Variants in SLC38A6 observed in about 807,000 individuals in gnomAD.
SLC38A6 encodes the protein N system amino acid transporter NAT-1.
SLC38A6 carries 73 observed loss-of-function variants against 65.0 expected under a neutral mutation model. That is an observed-to-expected ratio of 1.12 (90% CI 0.93 to 1.37). SLC38A6 has a LOEUF of 1.37. Ranked by LOEUF, SLC38A6 falls within the 40% of genes most tolerant of loss-of-function variation. The probability of loss-of-function intolerance (pLI) is 0.00; values close to 1 mark genes in which losing one functional copy is unlikely to be tolerated. For synonymous variants in SLC38A6, 183 were observed against 178.8 expected, an observed-to-expected ratio of 1.02 and a Z score of -0.19; for missense variants, 561 against 531.1, an observed-to-expected ratio of 1.06 and a Z score of -0.55.
chr14:60,982,571 G>A lies in SLC38A6; in HGVS notation c.169G>A (p.Ala57Thr). 1.2e-6 allele frequency: 2 copies of A among 1,614,034 alleles called. No individual in the cohort carries two copies. The highest frequency in any genetic ancestry group is 1.7e-6 in the Non-Finnish European group (2 of 1,179,990). Residue 57 changes from alanine to threonine, a missense_variant, in exon 2 of 16, where the codon GCC becomes ACC. Coordinates refer to ENST00000267488, the MANE Select transcript of SLC38A6 (RefSeq NM_153811.3). ...FGLSVFNLMN[A>T]IMGSGILGLA... ...TTTATCAGTGTTTAATTTGATGAAT[G>A]CCATCATGGGAAGTGGCATCCTTGG...
At chr14:60,986,966 T>G in intron 3 of SLC38A6, 1 of 304,774 alleles carries the variant, frequency 3.3e-6, no homozygotes, top group Non-Finnish European at 6.3e-6. Context: ...ATTCTGACAC[T>G]GTGTTTGTTC....
At chr14:61,047,616 A>C (rs1163172618) in intron 12 of SLC38A6, among the ~76,000 whole-genome samples, 1 of 152,040 alleles carries the variant, frequency 6.6e-6, no homozygotes, top group Non-Finnish European at 1.5e-5. Context: ...TGTTAAGGTG[A>C]TCTTTTAGAA....
chr14:60,981,295 G>A lies in SLC38A6; in HGVS notation c.18G>A (p.Gly6=). 1 of 1,608,046 alleles carries A rather than the reference G, an allele frequency of 6.2e-7. No homozygotes were observed. The change falls in exon 1 of 16, where the codon GGG becomes GGA. Residue 6 remains glycine (G), a synonymous_variant. Coordinates refer to ENST00000267488, the MANE Select transcript of SLC38A6 (RefSeq NM_153811.3). MEASW[G]SFNAERGWYV... ...AGAGCAGCATGGAGGCGTCCTGGGG[G>A]AGCTTCAACGCTGAGCGGGGCTGGT... is the stretch of plus-strand genomic sequence containing the variant.
intron 2 of SLC38A6, among the ~76,000 whole-genome samples, chr14:60,983,641 C>T (rs1374416244): frequency 6.6e-6 from 1 of 152,038 alleles, no homozygotes; most frequent in Admixed American, 6.6e-5. Flanking sequence ...TGTTTATTTC[C>T]TGCTTTTATT....
chr14:61,046,234 A>C lies in SLC38A6; in HGVS notation c.925+67A>C, dbSNP rs2042141229. ...CATAGATGGCCTCACGCCAATCTAT[A>C]GACTTTACCTATGCCTTTTATTACT... On this transcript the variant is annotated intron_variant, in intron 12 of 15. Coordinates refer to ENST00000267488, the MANE Select transcript of SLC38A6 (RefSeq NM_153811.3). 8 of 1,013,752 alleles carry C rather than the reference A, an allele frequency of 7.9e-6. No individual in the cohort carries two copies. In the South Asian group the frequency reaches 1.2e-4, roughly 15 times the overall value. 62.8% of individuals were successfully genotyped at this position (1,013,752 alleles called of 1,614,324 possible).
chr14:61,039,633 A>T (rs2041656197), intron 8 of SLC38A6, among the ~76,000 whole-genome samples: 1 of 151,790 alleles, frequency 6.6e-6, no homozygotes. Flanking sequence ...GGCCTCCCAA[A>T]GTGCTGGGAT....
At position 61,049,337 on chromosome 14, in the gene SLC38A6, T is replaced by C. The variant is rs117309037; in HGVS notation, c.926-1175T>C. 1.1e-3 allele frequency among the ~76,000 whole-genome samples: 166 copies of C among 152,286 alleles called. No homozygotes were observed. In the East Asian group the frequency reaches 0.023, roughly 21 times the overall value. On this transcript the variant is annotated intron_variant, in intron 12 of 15. Transcript: ENST00000267488. ...TTACTAGACCACTTATTTTCTCAGA[T>C]GCACATTCCCTTTGCTTTGTTTGTG...
At chr14:61,000,217 A>G (rs923895328) in intron 3 of SLC38A6, among the ~76,000 whole-genome samples, 1 of 152,370 alleles carries the variant, frequency 6.6e-6, no homozygotes, top group Non-Finnish European at 1.5e-5. Flanking sequence ...CACAGAGAGT[A>G]TTTAATAAAA....
In SLC38A6 at chr14:61,045,418, C is replaced by T. The variant is rs144811998; in HGVS notation, c.817C>T (p.Leu273Phe). ...CTCAATATTGCCCATATACTGTGAA[C>T]TTCAAAGGTACTGTAGAATCCTGGA... ...HTSILPIYCE[L>F]QSPSKKRMQN... The change falls in exon 11 of 16, where the codon CTT (leucine) becomes TTT (phenylalanine). Residue 273 changes from leucine (L) to phenylalanine (F), a missense_variant. Coordinates refer to ENST00000267488, the MANE Select transcript of SLC38A6 (RefSeq NM_153811.3). 86 of 1,607,744 alleles carry T rather than the reference C, an allele frequency of 5.3e-5. No individual in the cohort carries two copies. Among genetic ancestry groups the T allele is most frequent in the Non-Finnish European group, 7.0e-5 (82 of 1,174,850 alleles).
rs77246219 is a variant in SLC38A6, at chr14:60,983,777, T to C, written c.237-953T>C. On this transcript the variant is annotated intron_variant, in intron 2 of 15. Coordinates refer to ENST00000267488, the MANE Select transcript of SLC38A6 (RefSeq NM_153811.3). ...ATGTGACACCTTAAGCAAGACATAG[T>C]CAGAGGACTTTTTTTTTGATTCTCT... Among the ~76,000 whole-genome samples the C allele has an allele frequency of 5.0e-3, 757 of 152,314 alleles. 22 individuals carry two copies. Among genetic ancestry groups the C allele is most frequent in the East Asian group, 0.018 (95 of 5,176 alleles).
At chr14:61,082,803 C>T (rs986403612) in intron 16 of SLC38A6, among the ~76,000 whole-genome samples, 19 of 152,178 alleles carry the variant, frequency 1.2e-4, no homozygotes, top group Admixed American at 1.1e-3. Flanking sequence ...GCCTGCACTC[C>T]AGGACAGGGG....
rs181100605 is a variant in SLC38A6, at chr14:61,003,683, A to G, written c.311-12221A>G. Reference sequence around the variant, plus strand: ...GAGATGCTGCAGATTTTTTGTTGTTAAAAAGTGAGTATGTGGAGATCAAAC... The same window carrying G: ...GAGATGCTGCAGATTTTTTGTTGTTGAAAAGTGAGTATGTGGAGATCAAAC... On this transcript the variant is annotated intron_variant, in intron 3 of 15. Coordinates refer to ENST00000267488, the MANE Select transcript of SLC38A6 (RefSeq NM_153811.3). 1.1e-4 allele frequency among the ~76,000 whole-genome samples: 17 copies of G among 152,324 alleles called. No homozygotes were observed. In the East Asian group the frequency reaches 2.9e-3, roughly 26 times the overall value.
chr14:61,014,345 T>C (rs1478173812), intron 3 of SLC38A6, among the ~76,000 whole-genome samples: 1 of 152,120 alleles, frequency 6.6e-6, no homozygotes, highest in Non-Finnish European at 1.5e-5. Context: ...TCCTTTAGCT[T>C]GGAGTAGTTT....
chr14:61,082,709 A>C (rs1038603864), intron 16 of SLC38A6, among the ~76,000 whole-genome samples: 1 of 152,102 alleles, frequency 6.6e-6, no homozygotes, highest in African/African-American at 2.4e-5. Flanking sequence ...CCCTCTCCTC[A>C]AGGCCCTTTC....
intron 15 of SLC38A6, among the ~76,000 whole-genome samples, chr14:61,076,743 CT>C (rs1478912054): frequency 1.3e-5 from 2 of 152,208 alleles, no homozygotes; most frequent in Non-Finnish European, 2.9e-5. Context: ...TTTGGCCGGC[CT>C]TGTGTCCTCT....
chr14:60,988,693 A>G (rs986157773), intron 3 of SLC38A6, among the ~76,000 whole-genome samples: 1 of 152,192 alleles, frequency 6.6e-6, no homozygotes, highest in Non-Finnish European at 1.5e-5. Flanking sequence ...CTATCAATTC[A>G]TTGATTCTAC....
chr14:61,037,152 A>G lies in SLC38A6; in HGVS notation c.565+11A>G, dbSNP rs1715148243. On this transcript the variant is annotated intron_variant, in intron 7 of 15. Coordinates refer to ENST00000267488, the MANE Select transcript of SLC38A6 (RefSeq NM_153811.3). ...TTCTTCCCAAAATAGGTAAGTCTTT[A>G]TAGAGCACATTATTTGTTTAGAAAA... is the stretch of plus-strand genomic sequence containing the variant. 6.4e-7 allele frequency: 1 copy of G among 1,556,882 alleles called. No homozygotes were observed. The highest frequency in any genetic ancestry group is 1.2e-5 in the South Asian group (1 of 83,798).
chr14:61,062,808 A>G (rs915948658), intron 15 of SLC38A6, among the ~76,000 whole-genome samples: 2 of 152,088 alleles, frequency 1.3e-5, no homozygotes, highest in Non-Finnish European at 2.9e-5. Context: ...AGCCTCCTGC[A>G]TAGCTGGAAT....
chr14:60,994,809 G>A (rs965547988), intron 3 of SLC38A6, among the ~76,000 whole-genome samples: 1 of 151,464 alleles, frequency 6.6e-6, no homozygotes, highest in African/African-American at 2.4e-5. Context: ...ATCAAGACCA[G>A]CCTGGCCAAC....
Sources: gnomAD v4.1 joint callset for allele counts (sites outside exome capture counted in the v4.1 genomes callset) on GRCh38, gnomAD v4.1.1 for gene constraint, MANE v1.5 for transcripts, NCBI Gene and HGNC (gene_info 2026-07-23, HGNC 2026-07-21) for gene names.